The following LAMA2 variants were observed in gnomAD, a reference collection of about 807,000 sequenced individuals.
The protein encoded by LAMA2 is laminin subunit alpha 2.
LAMA2 carries 269 observed loss-of-function variants against 364.8 expected under a neutral mutation model. The ratio of observed to expected loss-of-function variants is 0.74; its 90% CI spans 0.67 to 0.82. LAMA2 has a LOEUF of 0.82. Among genes scored for constraint, LAMA2 ranks in the 40% least tolerant of loss-of-function variants. The pLI, the probability that LAMA2 is intolerant of heterozygous loss-of-function variation, is 0.00. For synonymous variants in LAMA2, 1,379 were observed against 1,370.6 expected (o/e 1.01, Z -0.14); for missense variants, 3,807 against 3,873.2 (o/e 0.98, Z 0.45).
chr6:129,311,014 C>A (rs1434731942), intron 22 of LAMA2, among the ~76,000 whole-genome samples: 1 of 152,114 alleles, frequency 6.6e-6, no homozygotes, highest in Non-Finnish European at 1.5e-5. Context: ...CAAAGCTAGT[C>A]AGAAGGGTGC....
chr6:129,056,268 C>T (rs1317740685), intron 2 of LAMA2, among the ~76,000 whole-genome samples: 1 of 152,154 alleles, frequency 6.6e-6, no homozygotes, highest in Non-Finnish European at 1.5e-5. Flanking sequence ...AATTTCAGCA[C>T]CCTCTTATTT....
Position 129,459,291 on chromosome 6 carries a change from C to T in LAMA2, c.6868-909C>T, listed in dbSNP as rs143101957. 4.5e-3 allele frequency among the ~76,000 whole-genome samples: 687 copies of T among 152,152 alleles called. 5 individuals carry two copies. Among genetic ancestry groups the T allele is most frequent in the South Asian group, 0.025 (119 of 4,820 alleles). The stretch of plus-strand genomic sequence containing the variant: ...ACAGTATTATAATTTTATGGAAGCA[C>T]CATCATATATGTGATCTGTCATTTA... On this transcript the variant is annotated intron_variant, in intron 48 of 64. Transcript: ENST00000421865.
chr6:129,258,343 C>G (rs1033394474), intron 14 of LAMA2, among the ~76,000 whole-genome samples: 3 of 151,954 alleles, frequency 2.0e-5, no homozygotes, highest in Non-Finnish European at 4.4e-5. Context: ...TAGAAACAAT[C>G]CAAATATTCA....
At chr6:129,193,367 T>C (rs1489726766) in intron 12 of LAMA2, among the ~76,000 whole-genome samples, 2 of 152,248 alleles carry the variant, frequency 1.3e-5, no homozygotes, top group African/African-American at 4.8e-5. Context: ...ACAACATATT[T>C]GCTGGAGCTC....
intron 9 of LAMA2, among the ~76,000 whole-genome samples, chr6:129,166,958 A>G (rs1779780655): frequency 6.6e-6 from 1 of 152,120 alleles, no homozygotes; most frequent in Non-Finnish European, 1.5e-5. Flanking sequence ...GGACATTAAG[A>G]TTGTTTCAAA....
intron 34 of LAMA2, among the ~76,000 whole-genome samples, chr6:129,375,860 C>A (rs900902114): frequency 2.6e-5 from 4 of 152,182 alleles, no homozygotes; most frequent in Non-Finnish European, 4.4e-5. Flanking sequence ...CCCATTATTT[C>A]TCCTGTGTAG....
intron 1 of LAMA2, among the ~76,000 whole-genome samples, chr6:128,902,890 T>G (rs1380157484): frequency 6.6e-6 from 1 of 152,190 alleles, no homozygotes; most frequent in Non-Finnish European, 1.5e-5. Context: ...ATCCATTCAT[T>G]TTATCAATGT....
chr6:128,910,212 G>T (rs201971829), intron 1 of LAMA2, among the ~76,000 whole-genome samples: 2 of 142,510 alleles, frequency 1.4e-5, no homozygotes, highest in African/African-American at 2.6e-5. Flanking sequence ...AGTTCTCCTG[G>T]ATAATATCCT....
At chr6:129,083,275 T>A (rs1040548843) in intron 3 of LAMA2, among the ~76,000 whole-genome samples, 4 of 152,186 alleles carry the variant, frequency 2.6e-5, no homozygotes, top group Non-Finnish European at 4.4e-5. Context: ...TATGATCTTA[T>A]AGACTATTTT....
At chr6:129,261,564 C>T (rs1284034509) in intron 15 of LAMA2, among the ~76,000 whole-genome samples, 9 of 152,072 alleles carry the variant, frequency 5.9e-5, no homozygotes, top group South Asian at 2.1e-4. Context: ...CTTGACAGAG[C>T]GCATGGCTAG....
chr6:129,496,386 G>A (rs370215842), intron 58 of LAMA2, among the ~76,000 whole-genome samples: 5 of 152,018 alleles, frequency 3.3e-5, no homozygotes, highest in African/African-American at 4.8e-5. Flanking sequence ...GGCTGGTCTC[G>A]AACTGCCAAC....
At chr6:129,025,982 G>A (rs1258330472) in intron 1 of LAMA2, among the ~76,000 whole-genome samples, 1 of 152,106 alleles carries the variant, frequency 6.6e-6, no homozygotes. Flanking sequence ...AAGGTTTCAC[G>A]AATCAGGTAT....
intron 1 of LAMA2, chr6:128,928,910 A>C (rs1562840548): frequency 6.8e-6 from 5 of 732,692 alleles, no homozygotes; most frequent in Admixed American, 6.2e-5. Context: ...TCTTTTGGGC[A>C]TTTCTTCCTA....
intron 1 of LAMA2, among the ~76,000 whole-genome samples, chr6:128,899,286 G>A (rs1215074649): frequency 3.9e-5 from 6 of 152,072 alleles, no homozygotes; most frequent in Admixed American, 6.6e-5. Flanking sequence ...AATCTGTCCC[G>A]TTTATGATTT....
chr6:128,932,077 A>G (rs1056973008), intron 1 of LAMA2, among the ~76,000 whole-genome samples: 2 of 152,224 alleles, frequency 1.3e-5, no homozygotes, highest in African/African-American at 4.8e-5. Context: ...TATTCTACAA[A>G]ATAATATTAA....
rs121913573 is a variant in LAMA2, at chr6:129,287,893, T to C, written c.2584T>C (p.Cys862Arg). 5.0e-6 allele frequency: 8 copies of C among 1,613,968 alleles called. No individual in the cohort carries two copies. The highest frequency in any genetic ancestry group is 6.8e-6 in the Non-Finnish European group (8 of 1,179,964). ...ACAACCCTCTGTACCTGGAGGATCA[T>C]GTCAGCCATGCCAATGCAATGACAA... ...FGQPSVPGGSCQPCQCNDNLD... is the reference protein window; with the variant it reads ...FGQPSVPGGSRQPCQCNDNLD... The change falls in exon 19 of 65, where the codon TGT (cysteine) becomes CGT (arginine). Residue 862 changes from cysteine (C) to arginine (R), a missense_variant. Coordinates refer to ENST00000421865, the MANE Select transcript of LAMA2 (RefSeq NM_000426.4).
chr6:129,137,070 C>G (rs1014373369), intron 4 of LAMA2, among the ~76,000 whole-genome samples: 1 of 152,052 alleles, frequency 6.6e-6, no homozygotes, highest in East Asian at 1.9e-4. Context: ...GTCAACGATA[C>G]AGTCATATTT....
chr6:128,902,091 T>G (rs1777120945), intron 1 of LAMA2, among the ~76,000 whole-genome samples: 1 of 152,214 alleles, frequency 6.6e-6, no homozygotes, highest in African/African-American at 2.4e-5. Flanking sequence ...GAAAAGCCCC[T>G]TATAAAACCA....
chr6:129,172,550 G>C (rs562059282), intron 9 of LAMA2, among the ~76,000 whole-genome samples: 2 of 152,236 alleles, frequency 1.3e-5, no homozygotes, highest in Non-Finnish European at 2.9e-5. Context: ...CTCCAGCTGC[G>C]TGCTGGGAGA....
Sources: gnomAD v4.1 joint callset for allele counts (sites outside exome capture counted in the v4.1 genomes callset) on GRCh38, gnomAD v4.1.1 for gene constraint, MANE v1.5 for transcripts, NCBI Gene and HGNC (gene_info 2026-07-23, HGNC 2026-07-21) for gene names.